BACH2: variants seen among roughly 807,000 people sequenced by gnomAD.
BACH2 encodes the protein transcription regulator protein BACH2.
In BACH2, 5 loss-of-function variants were observed where a neutral mutation model predicts 61.8. The ratio of observed to expected loss-of-function variants is 0.08; its 90% CI spans 0.04 to 0.17. The LOEUF is 0.17. Among genes scored for constraint, BACH2 ranks in the 10% least tolerant of loss-of-function variants. BACH2 has a pLI of 1.00. For missense variants in BACH2, 824 were observed against 1,091.1 expected (o/e 0.76, Z 3.45); for synonymous variants, 446 against 440.1 (o/e 1.01, Z -0.17).
At chr6:90,009,042 CAT>C (rs756110200) in intron 5 of BACH2, among the ~76,000 whole-genome samples, 186 bp from the exon 6 acceptor site, 1 of 152,164 alleles carries the variant, frequency 6.6e-6, no homozygotes, top group East Asian at 1.9e-4. Flanking sequence ...GCTCAGGAAA[CAT>C]ATCTGTAAAG....
chr6:90,043,837 C>G (rs1779656074), intron 5 of BACH2, among the ~76,000 whole-genome samples: 1 of 152,192 alleles, frequency 6.6e-6, no homozygotes, highest in African/African-American at 2.4e-5. Flanking sequence ...CTGGAGCTTT[C>G]CAGCCTCCCA....
chr6:90,176,425 T>C (rs1767986090), intron 4 of BACH2, among the ~76,000 whole-genome samples: 1 of 152,146 alleles, frequency 6.6e-6, no homozygotes, highest in Non-Finnish European at 1.5e-5. Flanking sequence ...GGGGCAGCTC[T>C]GAGGCACCTC....
chr6:90,296,089 GCTGCGGCTCGCGCGGACGCGCGCCTC>G (rs1356191620), intron 1 of BACH2, among the ~76,000 whole-genome samples: 3 of 152,016 alleles, frequency 2.0e-5, no homozygotes, highest in Non-Finnish European at 4.4e-5. Flanking sequence ...TCTGACAGCT[GCTGCGGCTCGCGCGGACGCGCGCCTC>G]CTGCAGCCCG....
At chr6:90,028,846 T>A (rs923481028) in intron 5 of BACH2, among the ~76,000 whole-genome samples, 3 of 152,212 alleles carry the variant, frequency 2.0e-5, no homozygotes, top group African/African-American at 7.2e-5. Flanking sequence ...GACACTTAAC[T>A]TTTCCGTGCC....
chr6:90,183,431 C>G (rs1300831373), intron 4 of BACH2, among the ~76,000 whole-genome samples: 3 of 152,212 alleles, frequency 2.0e-5, no homozygotes, highest in African/African-American at 7.2e-5. Context: ...CTGTGAAATT[C>G]TAACATGCCT....
intron 4 of BACH2, among the ~76,000 whole-genome samples, chr6:90,157,734 C>G (rs1191702271): frequency 6.6e-6 from 1 of 152,100 alleles, no homozygotes. Context: ...ATACTCCAAC[C>G]AAATCAGGGT....
intron 1 of BACH2, among the ~76,000 whole-genome samples, chr6:90,282,839 G>A (rs1184911019): frequency 6.6e-6 from 1 of 151,888 alleles, no homozygotes; most frequent in African/African-American, 2.4e-5. Context: ...GTTTCTTAAA[G>A]CACATAGGTA....
chr6:90,063,671 T>C lies in BACH2; in HGVS notation c.-13+25290A>G, dbSNP rs116525907. On this transcript the variant is annotated intron_variant, in intron 5 of 8. Coordinates refer to ENST00000257749, the MANE Select transcript of BACH2 (RefSeq NM_021813.4). Reference sequence around the variant, plus strand: ...TCACTCTGAACAAGCATTGGAGCCCTTTTGAACTTCAATTTTTTCCTCTGT... The same window carrying C: ...TCACTCTGAACAAGCATTGGAGCCCCTTTGAACTTCAATTTTTTCCTCTGT... Among the ~76,000 whole-genome samples, 1,053 of 151,926 alleles carry C rather than the reference T, an allele frequency of 6.9e-3. 10 individuals are homozygous for C. The highest frequency in any genetic ancestry group is 0.024 in the African/African-American group (984 of 41,180).
At chr6:89,987,743 C>G (rs577103416) in intron 6 of BACH2, among the ~76,000 whole-genome samples, 46 of 152,114 alleles carry the variant, frequency 3.0e-4, no homozygotes, top group Non-Finnish European at 5.3e-4. Context: ...GAAGAGGTAC[C>G]TATGCCATTA....
rs1449293089 is a variant in BACH2, at chr6:89,951,778, T to C, written c.328A>G (p.Ile110Val). 2 of 1,614,224 alleles carry C rather than the reference T, an allele frequency of 1.2e-6. No homozygotes were observed. Among genetic ancestry groups the C allele is most frequent in the Non-Finnish European group, 8.5e-7 (1 of 1,180,014 alleles). Residue 110 changes from isoleucine to valine, a missense_variant, in exon 7 of 9, where the codon ATC (isoleucine) becomes GTC (valine). By Grantham distance (29) the Ile-to-Val change is conservative (BLOSUM62 3). This residue lies in a region of BACH2 where 66 missense variants were observed against 144.8 expected (regional missense o/e 0.46). Transcript: ENST00000257749. The surrounding 1 kb of genome is among the most constrained non-coding windows in gnomAD (Gnocchi z 6.4). ...ATGCGCAGGAACTCAGCACAGCGGA[T>C]GACCTCGCGGATGTTTTCTCTGCTG... Reference protein sequence around the residue: ...LLSRENIREVIRCAEFLRMHN... With the variant: ...LLSRENIREVVRCAEFLRMHN...
chr6:90,271,366 TAAAAAAA>T (rs3073450), intron 2 of BACH2, among the ~76,000 whole-genome samples: 14 of 103,888 alleles, frequency 1.3e-4, no homozygotes, highest in African/African-American at 4.9e-4. Flanking sequence ...CAACCCCATT[TAAAAAAA>T]AAAAAAAAAG....
intron 6 of BACH2, among the ~76,000 whole-genome samples, chr6:89,959,450 G>C (rs750702512): frequency 1.3e-5 from 2 of 152,070 alleles, no homozygotes; most frequent in Non-Finnish European, 2.9e-5. Flanking sequence ...CCACATTTTT[G>C]CTATGATTTC....
intron 5 of BACH2, among the ~76,000 whole-genome samples, chr6:90,088,436 T>C (rs1196157814): frequency 2.6e-5 from 4 of 152,160 alleles, no homozygotes; most frequent in African/African-American, 7.2e-5. Context: ...TGGCATCAAC[T>C]GGGCTGGACT....
At chr6:89,976,806 A>G (rs375594980) in intron 6 of BACH2, among the ~76,000 whole-genome samples, 3 of 152,334 alleles carry the variant, frequency 2.0e-5, no homozygotes, top group African/African-American at 7.2e-5. Context: ...ATTTTAGGAG[A>G]TAATTGTCCA....
intron 2 of BACH2, among the ~76,000 whole-genome samples, chr6:90,259,413 G>A (rs1408288639): frequency 2.6e-5 from 4 of 152,142 alleles, no homozygotes; most frequent in African/African-American, 9.7e-5. Flanking sequence ...GTATGCCAGG[G>A]ATAAATCCCA....
chr6:89,985,075 C>T (rs922963403), intron 6 of BACH2, among the ~76,000 whole-genome samples: 5 of 152,098 alleles, frequency 3.3e-5, no homozygotes, highest in East Asian at 1.9e-4. Context: ...GAGTTACTTC[C>T]GTGTGGTGGG....
intron 5 of BACH2, among the ~76,000 whole-genome samples, chr6:90,053,621 T>C (rs1780165240): frequency 1.3e-5 from 2 of 152,204 alleles, no homozygotes; most frequent in South Asian, 4.1e-4. Context: ...AGTCTGCTGG[T>C]GGTAAACTCC....
intron 5 of BACH2, among the ~76,000 whole-genome samples, chr6:90,052,049 T>C (rs942967907): frequency 3.9e-5 from 6 of 152,212 alleles, no homozygotes; most frequent in African/African-American, 1.2e-4. Context: ...TATGATCAGA[T>C]AATGTGGTCA....
chr6:90,108,684 T>C (rs1383707940), intron 4 of BACH2, among the ~76,000 whole-genome samples: 1 of 152,196 alleles, frequency 6.6e-6, no homozygotes, highest in African/African-American at 2.4e-5. Context: ...AACCAAATGG[T>C]TGGGGCAGTG....
Sources: gnomAD v4.1 joint callset for allele counts (sites outside exome capture counted in the v4.1 genomes callset) on GRCh38, gnomAD v4.1.1 for gene constraint, gnomAD v4.1.1 regional missense constraint, Gnocchi (gnomAD v3.1) non-coding constraint, MANE v1.5 for transcripts, NCBI Gene and HGNC (gene_info 2026-07-23, HGNC 2026-07-21) for gene names.